The following SH3RF1 variants were observed in gnomAD, a reference collection of about 807,000 sequenced individuals.
SH3RF1 encodes the protein SH3 domain containing ring finger 1, also known as E3 ubiquitin-protein ligase SH3RF1.
SH3RF1 carries 32 observed loss-of-function variants against 74.0 expected under a neutral mutation model. The ratio of observed to expected loss-of-function variants is 0.43; its 90% CI spans 0.33 to 0.58. The LOEUF is 0.58. Among genes scored for constraint, SH3RF1 ranks in the 20% least tolerant of loss-of-function variants. The pLI is 0.05. For missense variants in SH3RF1, 954 were observed against 1,130.9 expected (o/e 0.84, Z 2.24); for synonymous variants, 396 against 439.6 (o/e 0.90, Z 1.24).
intron 4 of SH3RF1, among the ~76,000 whole-genome samples, chr4:169,153,694 G>A (rs930047161): frequency 6.6e-6 from 1 of 152,146 alleles, no homozygotes; most frequent in African/African-American, 2.4e-5. Context: ...TCAATCTGAT[G>A]GCTTGACATC....
rs1730278440 is a variant in SH3RF1, at chr4:169,207,303, T to TG, written c.394-50625dup. Among the ~76,000 whole-genome samples the TG allele has an allele frequency of 3.9e-5, 6 of 152,318 alleles. No homozygotes were observed. In the South Asian group the frequency reaches 1.2e-3, roughly 32 times the overall value. On this transcript the variant is annotated intron_variant, in intron 2 of 11. Transcript: ENST00000284637. The stretch of plus-strand genomic sequence containing the variant: ...TTAGTCAGGCATGGTGGCATGCTCC[T>TG]GTACTCCTAGTTACTTGGGAAGCTA...
At chr4:169,197,201 C>A (rs1430984583) in intron 2 of SH3RF1, among the ~76,000 whole-genome samples, 2 of 152,046 alleles carry the variant, frequency 1.3e-5, no homozygotes, top group African/African-American at 4.8e-5. Context: ...GGGGTTTCAC[C>A]ATGTTGGCTA....
At chr4:169,099,494 T>C (rs1042532462) in intron 11 of SH3RF1, among the ~76,000 whole-genome samples, 2 of 152,130 alleles carry the variant, frequency 1.3e-5, no homozygotes, top group Non-Finnish European at 2.9e-5. Context: ...TAAAAATCCA[T>C]GAAAAAGCAA....
At chr4:169,153,905 T>C (rs974693430) in intron 4 of SH3RF1, among the ~76,000 whole-genome samples, 1 of 152,240 alleles carries the variant, frequency 6.6e-6, no homozygotes, top group Admixed American at 6.5e-5. Flanking sequence ...GAAGTGACTC[T>C]GGATTTGCCA....
intron 2 of SH3RF1, among the ~76,000 whole-genome samples, chr4:169,202,848 G>C (rs1426961859): frequency 6.6e-6 from 1 of 152,164 alleles, no homozygotes; most frequent in Non-Finnish European, 1.5e-5. Context: ...TGTTGAGGTG[G>C]TCTTCAATAA....
At chr4:169,203,348 C>A (rs1734941453) in intron 2 of SH3RF1, among the ~76,000 whole-genome samples, 1 of 151,988 alleles carries the variant, frequency 6.6e-6, no homozygotes, top group Admixed American at 6.6e-5. Flanking sequence ...TCCAGGAGTT[C>A]CAGACCAGCC....
At chr4:169,157,127 T>G (rs1327249632) in intron 2 of SH3RF1, among the ~76,000 whole-genome samples, 1 of 152,258 alleles carries the variant, frequency 6.6e-6, no homozygotes, top group Admixed American at 6.5e-5. Context: ...TTTATTAATT[T>G]ACTAAACTGC....
chr4:169,267,361 C>G (rs1313482996), intron 2 of SH3RF1, among the ~76,000 whole-genome samples: 1 of 152,176 alleles, frequency 6.6e-6, no homozygotes, highest in East Asian at 1.9e-4. Flanking sequence ...CAAATCTACA[C>G]CTTTATTAAG....
At chr4:169,156,376 A>T (rs754930954) in intron 3 of SH3RF1, 28 bp downstream of exon 3, 3 of 1,528,492 alleles carry the variant, frequency 2.0e-6, no homozygotes, top group East Asian at 4.5e-5. Flanking sequence ...GAGCTGGCAA[A>T]CAGAAAACAA....
chr4:169,254,481 G>A (rs944687015), intron 2 of SH3RF1, among the ~76,000 whole-genome samples: 2 of 152,154 alleles, frequency 1.3e-5, no homozygotes, highest in African/African-American at 4.8e-5. Context: ...TTGCATTTTG[G>A]ATTGGCATTT....
chr4:169,232,975 G>A (rs747984468), intron 2 of SH3RF1, among the ~76,000 whole-genome samples: 3 of 152,082 alleles, frequency 2.0e-5, no homozygotes, highest in Admixed American at 6.6e-5. Flanking sequence ...TGGGCCAAGC[G>A]CAGTGGCTCA....
In SH3RF1 at chr4:169,136,388, C is replaced by G; in HGVS notation, c.998G>C (p.Ser333Thr). The G allele has an allele frequency of 6.3e-7, 1 of 1,589,920 alleles. No homozygotes were observed. Among genetic ancestry groups the G allele is most frequent in the Non-Finnish European group, 8.5e-7 (1 of 1,169,986 alleles). ...SMEISPPVLI[S>T]SSNPTAAARI... ...TGCAGCAGCAGTGGGGTTGCTGGAGCTGATGAGGACAGGGGGGCTGATCTC... is the reference window on the plus strand; with the variant it reads ...TGCAGCAGCAGTGGGGTTGCTGGAGGTGATGAGGACAGGGGGGCTGATCTC... The change falls in exon 5 of 12, where the codon AGC becomes ACC. Residue 333 changes from serine (S) to threonine (T), a missense_variant. Ser to Thr is a moderately conservative substitution (Grantham distance 58). This residue lies in a region of SH3RF1 where 854 missense variants were observed against 962.5 expected (regional missense o/e 0.89). Coordinates refer to ENST00000284637, the MANE Select transcript of SH3RF1 (RefSeq NM_020870.4).
intron 2 of SH3RF1, among the ~76,000 whole-genome samples, chr4:169,241,798 T>C (rs1322476400): frequency 2.0e-5 from 3 of 152,224 alleles, no homozygotes; most frequent in African/African-American, 7.2e-5. Context: ...TGGGGACTGG[T>C]TTCCTCCTGT....
chr4:169,185,314 T>C (rs1401322672), intron 2 of SH3RF1, among the ~76,000 whole-genome samples: 1 of 152,106 alleles, frequency 6.6e-6, no homozygotes, highest in Non-Finnish European at 1.5e-5. Flanking sequence ...AGTGATAGCC[T>C]GCCGCTACAA....
At chr4:169,262,726 A>C (rs1731299202) in intron 2 of SH3RF1, among the ~76,000 whole-genome samples, 1 of 152,184 alleles carries the variant, frequency 6.6e-6, no homozygotes, top group African/African-American at 2.4e-5. Context: ...TGAGGTTTAC[A>C]TGATTATGGT....
chr4:169,148,582 C>G (rs928896892), intron 4 of SH3RF1, among the ~76,000 whole-genome samples: 4 of 152,070 alleles, frequency 2.6e-5, no homozygotes, highest in Non-Finnish European at 5.9e-5. Context: ...TTAAAAATAT[C>G]CTTTACATAA....
At chr4:169,259,667 G>A (rs936200436) in intron 2 of SH3RF1, among the ~76,000 whole-genome samples, 2 of 152,166 alleles carry the variant, frequency 1.3e-5, no homozygotes, top group African/African-American at 2.4e-5. Flanking sequence ...AAAGCTTTGG[G>A]AGGGTGAGGG....
intron 2 of SH3RF1, among the ~76,000 whole-genome samples, chr4:169,192,284 T>C (rs1434625324): frequency 7.0e-6 from 1 of 143,348 alleles, no homozygotes; most frequent in Non-Finnish European, 1.5e-5. Flanking sequence ...AACAAACATA[T>C]GAAAAAAATG....
At chr4:169,118,747 G>A (rs528587851) in intron 8 of SH3RF1, among the ~76,000 whole-genome samples, 16 of 152,286 alleles carry the variant, frequency 1.1e-4, no homozygotes, top group African/African-American at 2.4e-4. Context: ...TTGAGCCAAC[G>A]CGCCTAGCTG....
Sources: allele counts gnomAD v4.1 joint callset (sites outside exome capture counted in the v4.1 genomes callset), GRCh38; gene constraint gnomAD v4.1.1; regional missense constraint gnomAD v4.1.1; transcripts MANE v1.5; gene names NCBI Gene and HGNC (gene_info 2026-07-23, HGNC 2026-07-21).